Variants in PDLIM1 observed in about 807,000 individuals in gnomAD.
PDLIM1 encodes the protein PDZ and LIM domain 1.
Under a neutral mutation model 35.2 loss-of-function variants are expected in PDLIM1, and 25 were observed. The ratio of observed to expected loss-of-function variants is 0.71; its 90% CI spans 0.52 to 0.99. The LOEUF is 0.99. PDLIM1 is among the 50% of genes least tolerant of loss of function. The pLI, the probability that PDLIM1 is intolerant of heterozygous loss-of-function variation, is 0.00. For missense variants in PDLIM1, 363 were observed against 415.3 expected, an observed-to-expected ratio of 0.87 and a Z score of 1.09; for synonymous variants, 152 against 154.0, an observed-to-expected ratio of 0.99 and a Z score of 0.10.
chr10:95,247,387 A>T (rs538890032), intron 4 of PDLIM1, 21 bp from the exon 5 acceptor site: 1 of 1,598,812 alleles, frequency 6.3e-7, no homozygotes, highest in Non-Finnish European at 8.5e-7. Context: ...TGTTTGAAAA[A>T]TTGATTAGGA....
intron 4 of PDLIM1, among the ~76,000 whole-genome samples, chr10:95,262,079 C>T (rs1222154506): frequency 6.6e-6 from 1 of 151,822 alleles, no homozygotes; most frequent in African/African-American, 2.4e-5. Flanking sequence ...CAGGGATGCA[C>T]ATGTCATGGG....
chr10:95,271,796 G>A lies in PDLIM1; in HGVS notation c.97-12C>T. ...CTTCCAGGAGTGACCTAGAAAAAAA[G>A]GGGAAAGCAGGCTAGTTACTATTTG... On this transcript the variant is annotated splice_polypyrimidine_tract_variant and intron_variant, in intron 1 of 6. Transcript: ENST00000329399. 6.2e-7 allele frequency: 1 copy of A among 1,604,706 alleles called. No homozygotes were observed. The highest frequency in any genetic ancestry group is 8.5e-7 in the Non-Finnish European group (1 of 1,174,452).
At chr10:95,240,870 A>G (rs2133407884) in intron 5 of PDLIM1, among the ~76,000 whole-genome samples, 1 of 152,288 alleles carries the variant, frequency 6.6e-6, no homozygotes, top group South Asian at 2.1e-4. Context: ...CATCTTAGGT[A>G]ACAAAGCCCT....
intron 5 of PDLIM1, among the ~76,000 whole-genome samples, 167 bp downstream of exon 5, chr10:95,247,048 T>C (rs957867034): frequency 7.4e-5 from 11 of 147,842 alleles, no homozygotes; most frequent in African/African-American, 2.7e-4. Context: ...ACTCTCTTCC[T>C]CTCTCTCTCT....
At chr10:95,266,068 C>A (rs1355712141) in intron 3 of PDLIM1, among the ~76,000 whole-genome samples, 1 of 151,850 alleles carries the variant, frequency 6.6e-6, no homozygotes, top group Non-Finnish European at 1.5e-5. Context: ...CGTGGTGGCA[C>A]CTGCCTGTAA....
chr10:95,262,003 C>T (rs747195169), intron 4 of PDLIM1, among the ~76,000 whole-genome samples: 21 of 137,238 alleles, frequency 1.5e-4, no homozygotes, highest in Non-Finnish European at 2.8e-4. Flanking sequence ...AGTGAAACTC[C>T]GTCTCAAAAA....
intron 5 of PDLIM1, 96 bp downstream of exon 5, chr10:95,247,119 G>C (rs940342331): frequency 1.9e-6 from 2 of 1,055,992 alleles, no homozygotes; most frequent in Non-Finnish European, 2.8e-6. Flanking sequence ...GCCCTCCAAA[G>C]CAGGCTCCAG....
intron 4 of PDLIM1, among the ~76,000 whole-genome samples, chr10:95,258,197 C>T (rs967259006): frequency 2.6e-5 from 4 of 151,926 alleles, no homozygotes; most frequent in African/African-American, 7.3e-5. Flanking sequence ...CCTCACACTT[C>T]GTCCCTCCCA....
chr10:95,280,032 T>G (rs767480462), intron 1 of PDLIM1, among the ~76,000 whole-genome samples: 15 of 152,182 alleles, frequency 9.9e-5, no homozygotes, highest in Non-Finnish European at 1.9e-4. Context: ...TTAACAAAAA[T>G]GAGTAAGTAT....
At chr10:95,278,310 A>G (rs1262657495) in intron 1 of PDLIM1, among the ~76,000 whole-genome samples, 1 of 152,234 alleles carries the variant, frequency 6.6e-6, no homozygotes, top group Non-Finnish European at 1.5e-5. Context: ...CGAGGATTAC[A>G]TTAGGCAATT....
chr10:95,276,541 AT>A (rs1465081296), intron 1 of PDLIM1, among the ~76,000 whole-genome samples: 2 of 152,250 alleles, frequency 1.3e-5, no homozygotes, highest in African/African-American at 4.8e-5. Context: ...CCTGTCTTGA[AT>A]GGTGGATTCC....
intron 1 of PDLIM1, among the ~76,000 whole-genome samples, chr10:95,274,392 C>T (rs765759883): frequency 3.3e-5 from 5 of 150,658 alleles, no homozygotes; most frequent in Middle Eastern, 3.4e-3. Context: ...CTCCCGGGTT[C>T]AAGCGATTCT....
rs765258465 is a variant in PDLIM1, at chr10:95,290,853, G to A, written c.63C>T (p.Gly21=). 3 of 1,564,354 alleles carry A rather than the reference G, an allele frequency of 1.9e-6. No homozygotes were observed. Among genetic ancestry groups the A allele is most frequent in the East Asian group, 2.6e-5 (1 of 39,056 alleles). The change falls in exon 1 of 7, where the codon GGC becomes GGT. Residue 21 remains glycine, a synonymous_variant. Transcript: ENST00000329399. The surrounding 1 kb of genome is among the most constrained non-coding windows in gnomAD (Gnocchi z 4.7). ...TGGCGAGAGGCTGCTCGAAGTCCTTGCCGCCCACGAGGCGGAAGCCCCACG... is the reference window on the plus strand; with the variant it reads ...TGGCGAGAGGCTGCTCGAAGTCCTTACCGCCCACGAGGCGGAAGCCCCACG... ...PGPWGFRLVG[G]KDFEQPLAIS... is the part of the protein sequence containing the mutation.
intron 4 of PDLIM1, among the ~76,000 whole-genome samples, chr10:95,255,449 G>A (rs1241386246): frequency 1.3e-5 from 2 of 151,978 alleles, no homozygotes; most frequent in East Asian, 1.9e-4. Flanking sequence ...ATGACCAAGT[G>A]GAATTTAATC....
intron 1 of PDLIM1, among the ~76,000 whole-genome samples, chr10:95,286,178 G>A (rs1221594015): frequency 2.6e-5 from 4 of 152,120 alleles, no homozygotes; most frequent in Non-Finnish European, 5.9e-5. Flanking sequence ...CCAACATGGC[G>A]AAACCCCATC....
At chr10:95,258,071 C>G (rs941407739) in intron 4 of PDLIM1, among the ~76,000 whole-genome samples, 2 of 152,052 alleles carry the variant, frequency 1.3e-5, no homozygotes, top group Non-Finnish European at 2.9e-5. Flanking sequence ...ATGGAGCAGG[C>G]AAAGAGAGAG....
At chr10:95,289,704 GA>G (rs2133446671) in intron 1 of PDLIM1, among the ~76,000 whole-genome samples, 1 of 152,330 alleles carries the variant, frequency 6.6e-6, no homozygotes, top group East Asian at 1.9e-4. Flanking sequence ...AACCCCAAGT[GA>G]AAAAGAAGGA....
At chr10:95,272,081 A>G (rs2035469526) in intron 1 of PDLIM1, among the ~76,000 whole-genome samples, 1 of 152,164 alleles carries the variant, frequency 6.6e-6, no homozygotes, top group Non-Finnish European at 1.5e-5. Context: ...TCACCCAACT[A>G]GTATATTATT....
intron 4 of PDLIM1, among the ~76,000 whole-genome samples, chr10:95,261,816 C>CT (rs890076091): frequency 1.7e-4 from 26 of 152,240 alleles, no homozygotes; most frequent in Non-Finnish European, 3.1e-4. Context: ...TGAGACCAGC[C>CT]TGATCAACAT....
Sources: gnomAD v4.1 joint callset for allele counts (sites outside exome capture counted in the v4.1 genomes callset) on GRCh38, gnomAD v4.1.1 for gene constraint, Gnocchi (gnomAD v3.1) non-coding constraint, MANE v1.5 for transcripts, NCBI Gene and HGNC (gene_info 2026-07-23, HGNC 2026-07-21) for gene names.